AP5Z1: variants seen among roughly 807,000 people sequenced by gnomAD.
AP5Z1 encodes adaptor related protein complex 5 subunit zeta 1, also known as AP-5 complex subunit zeta-1.
In AP5Z1, 106 loss-of-function variants were observed where a neutral mutation model predicts 83.0. That is an observed-to-expected ratio of 1.28 (90% CI 1.09 to 1.50). The LOEUF is 1.50. Among genes scored for constraint, AP5Z1 ranks in the 40% most tolerant of loss-of-function variants. The pLI, the probability that AP5Z1 is intolerant of heterozygous loss-of-function variation, is 0.00. For synonymous variants in AP5Z1, 751 were observed against 514.1 expected (o/e 1.46, Z -6.23); for missense variants, 1,565 against 1,094.2 (o/e 1.43, Z -6.07).
At chr7:4,790,428 A>G in intron 14 of AP5Z1, 31 bp from the exon 15 acceptor site, 2 of 1,612,684 alleles carry the variant, frequency 1.2e-6, no homozygotes, top group African/African-American at 1.3e-5. Flanking sequence ...AGGTCTGCAC[A>G]GAGCAGGCGT....
At position 4,790,239 on chromosome 7, in the gene AP5Z1, G is replaced by C. The variant is rs770827357; in HGVS notation, c.1806-220G>C. 1.2e-5 allele frequency: 18 copies of C among 1,548,188 alleles called. No individual in the cohort carries two copies. The Middle Eastern group carries it at 6.6e-4, about 57-fold the overall frequency. Reference sequence around the variant, plus strand: ...GCCTGATGCATGCAGGCCCATCCTGGTTCCACTCTGAGCCTGGGCCTGAGG... The same window carrying C: ...GCCTGATGCATGCAGGCCCATCCTGCTTCCACTCTGAGCCTGGGCCTGAGG... On this transcript the variant is annotated intron_variant, in intron 14 of 16. Coordinates refer to ENST00000649063, the MANE Select transcript of AP5Z1 (RefSeq NM_014855.3).
At chr7:4,789,993 C>G in intron 14 of AP5Z1, 64 bp downstream of exon 14, 1 of 616,272 alleles carries the variant, frequency 1.6e-6, no homozygotes, top group Non-Finnish European at 2.2e-6. Context: ...CTCCCCCTCT[C>G]CCCTCCCCCC....
chr7:4,778,640 A>G (rs559336360), intron 1 of AP5Z1, among the ~76,000 whole-genome samples: 2 of 151,844 alleles, frequency 1.3e-5, no homozygotes, highest in Admixed American at 6.6e-5. Flanking sequence ...TGAGACTTGG[A>G]GAATATGCTG....
intron 2 of AP5Z1, 40 bp downstream of exon 2, chr7:4,781,352 G>A (rs766828084): frequency 1.2e-5 from 20 of 1,609,578 alleles, no homozygotes; most frequent in Admixed American, 3.3e-5. Context: ...CTCACACAGC[G>A]GCCCCAGGAG....
chr7:4,785,492 G>T, intron 8 of AP5Z1, 30 bp from the exon 9 acceptor site: 1 of 1,613,134 alleles, frequency 6.2e-7, no homozygotes, highest in Non-Finnish European at 8.5e-7. Flanking sequence ...GCAGCGACTC[G>T]GCCCATTTGA....
At position 4,783,331 on chromosome 7, in the gene AP5Z1, G is replaced by A; in HGVS notation, c.382G>A (p.Glu128Lys). 1 of 1,610,614 alleles carries A rather than the reference G, an allele frequency of 6.2e-7. No homozygotes were observed. The highest frequency in any genetic ancestry group is 8.5e-7 in the Non-Finnish European group (1 of 1,178,350). The change falls in exon 4 of 17, where the codon GAG becomes AAG. Residue 128 changes from glutamate to lysine, a missense_variant. Glu to Lys is a moderately conservative substitution (Grantham distance 56). Transcript: ENST00000649063. ...VLLAQGDRNE[E>K]VRAVGQGVLR... ...TGATTTGAAGGGTGACAGAAACGAGGAGGTCAGAGCCGTGGGCCAGGGCGT... is the reference window on the plus strand; with the variant it reads ...TGATTTGAAGGGTGACAGAAACGAGAAGGTCAGAGCCGTGGGCCAGGGCGT...
chr7:4,780,753 A>G (rs892406460), intron 1 of AP5Z1, among the ~76,000 whole-genome samples: 6 of 152,128 alleles, frequency 3.9e-5, no homozygotes, highest in African/African-American at 1.4e-4. Context: ...GTGACAGAGC[A>G]AGACTCCATC....
rs1414948873 is a variant in AP5Z1, at chr7:4,775,728, G to A, written c.13G>A (p.Gly5Arg). MFSA[G>R]AESLLHQARE... ...TGGCGGCGGCGTGATGTTCTCGGCA[G>A]GAGCGGAGAGTTTGCTCCACCAGGC... The change falls in exon 1 of 17, where the codon GGA becomes AGA. Residue 5 changes from glycine (G) to arginine (R), a missense_variant. Transcript: ENST00000649063. The A allele has an allele frequency of 1.9e-6, 3 of 1,606,274 alleles. No homozygotes were observed. The highest frequency in any genetic ancestry group is 1.3e-5 in the African/African-American group (1 of 74,934).
In AP5Z1 at chr7:4,781,262, C is replaced by T. The variant is rs1490381993; in HGVS notation, c.129C>T (p.Asp43=). ...QAEDLGPDTL[D]SLQRLFLIIS... Reference sequence around the variant, plus strand: ...AGGACTTGGGGCCGGACACCCTCGACTCCCTGCAGAGGCTCTTCCTCATCA... The same window carrying T: ...AGGACTTGGGGCCGGACACCCTCGATTCCCTGCAGAGGCTCTTCCTCATCA... The change falls in exon 2 of 17, where the codon GAC becomes GAT. Residue 43 remains aspartate, a synonymous_variant. Transcript: ENST00000649063. 2 of 1,613,840 alleles carry T rather than the reference C, an allele frequency of 1.2e-6. No individual in the cohort carries two copies. The highest frequency in any genetic ancestry group is 1.7e-6 in the Non-Finnish European group (2 of 1,179,820).
At position 4,786,399 on chromosome 7, in the gene AP5Z1, C is replaced by G. The variant is rs1233114359; in HGVS notation, c.1282C>G (p.Leu428Val). The change falls in exon 10 of 17, where the codon CTC becomes GTC. Residue 428 changes from leucine to valine, a missense_variant. Coordinates refer to ENST00000649063, the MANE Select transcript of AP5Z1 (RefSeq NM_014855.3). ...CCTGTTCAGCGGGCACCTCAGCACC[C>G]TCAGATTGAGCTTCCCCAACCTCTT... is the stretch of plus-strand genomic sequence containing the variant. Reference protein sequence around the residue: ...LHLFSGHLSTLRLSFPNLFKF... With the variant: ...LHLFSGHLSTVRLSFPNLFKF... 6.2e-7 allele frequency: 1 copy of G among 1,613,908 alleles called. No individual in the cohort carries two copies. Among genetic ancestry groups the G allele is most frequent in the Admixed American group, 1.7e-5 (1 of 60,028 alleles).
rs200224845 is a variant in AP5Z1, at chr7:4,788,887, G to A, written c.1643G>A (p.Arg548His). 1.1e-4 allele frequency: 184 copies of A among 1,610,554 alleles called. No homozygotes were observed. The highest frequency in any genetic ancestry group is 4.9e-4 in the Middle Eastern group (3 of 6,064). The change falls in exon 13 of 17, where the codon CGC (arginine) becomes CAC (histidine). Residue 548 changes from arginine to histidine, a missense_variant. Arg to His is a conservative substitution (Grantham distance 29, BLOSUM62 0). Coordinates refer to ENST00000649063, the MANE Select transcript of AP5Z1 (RefSeq NM_014855.3). ...CTGCAGCCCATGGCCGGCTGTGCCC[G>A]CGTGGCCCAGTGTGCCCAGGCCGTG... is the stretch of plus-strand genomic sequence containing the variant. ...QLLQPMAGCA[R>H]VAQCAQAVPT... is the part of the protein sequence containing the mutation.
rs544740791 is a variant in AP5Z1 at position 4,791,506 on chromosome 7, C to A, written c.*121C>A. 4 of 1,407,794 alleles carry A rather than the reference C, an allele frequency of 2.8e-6. No individual in the cohort carries two copies. The African/African-American group carries it at 4.3e-5, about 15-fold the overall frequency. 87.2% of individuals were successfully genotyped at this position (1,407,794 alleles called of 1,614,324 possible). On this transcript the variant is annotated 3_prime_UTR_variant, in exon 17 of 17. Coordinates refer to ENST00000649063, the MANE Select transcript of AP5Z1 (RefSeq NM_014855.3). The stretch of plus-strand genomic sequence containing the variant: ...GTCCTGGGAGAGGAGGCAAGGCCCA[C>A]GGTGGGCTTGGCACCCTCACAGACA...
rs762942576 is a variant in AP5Z1 at position 4,786,318 on chromosome 7, T to C, written c.1201T>C (p.Phe401Leu). 1.1e-5 allele frequency: 18 copies of C among 1,613,466 alleles called. No individual in the cohort carries two copies. The Admixed American group carries it at 3.0e-4, about 27-fold the overall frequency. ...GTTCACCAGGATCCCGGTGGAGCAG[T>C]TCCACAGCCCCATGCTGGCCTTTGA... ...HLFTRIPVEQ[F>L]HSPMLAFEFI... The change falls in exon 10 of 17, where the codon TTC (phenylalanine) becomes CTC (leucine). Residue 401 changes from phenylalanine to leucine, a missense_variant. Phe to Leu is a conservative substitution (Grantham distance 22). Transcript: ENST00000649063.
At chr7:4,786,770 G>T (rs1781558649) in intron 10 of AP5Z1, among the ~76,000 whole-genome samples, 1 of 151,654 alleles carries the variant, frequency 6.6e-6, no homozygotes, top group Non-Finnish European at 1.5e-5. Context: ...GGTGCCATTT[G>T]CCTTTTTTTT....
rs74274130 is a variant in AP5Z1 at position 4,785,760 on chromosome 7, C to CTT, written c.1132+95_1132+96dup. On this transcript the variant is annotated intron_variant, in intron 9 of 16. Coordinates refer to ENST00000649063, the MANE Select transcript of AP5Z1 (RefSeq NM_014855.3). Reference sequence around the variant, plus strand: ...GTTTTAGGATGGAATTTCTTCTTCCCTTTTTTTTTTTTTTTTTTTTGATTG... The same window carrying CTT: ...GTTTTAGGATGGAATTTCTTCTTCCCTTTTTTTTTTTTTTTTTTTTTTGATTG... 15,487 of 1,126,480 alleles carry CTT rather than the reference C, an allele frequency of 0.014. 79 individuals carry two copies. Among genetic ancestry groups the CTT allele is most frequent in the African/African-American group, 0.064 (3,407 of 53,362 alleles). The allele number at this position is 1,126,480 out of a possible 1,614,324, so 69.8% of individuals were successfully genotyped here.
At position 4,783,682 on chromosome 7, in the gene AP5Z1, A is replaced by T. The variant is rs73305371; in HGVS notation, c.512-7A>T. ...CTCACCTCCCCATGCCACCCCACCC[A>T]CTGCAGACCAGGCCACCCTGCTCAG... On this transcript the variant is annotated splice_polypyrimidine_tract_variant and splice_region_variant and intron_variant, in intron 4 of 16. Transcript: ENST00000649063. 1 of 1,548,770 alleles carries T rather than the reference A, an allele frequency of 6.5e-7. No individual in the cohort carries two copies. The highest frequency in any genetic ancestry group is 1.4e-5 in the African/African-American group (1 of 72,958).
At chr7:4,786,563 G>T (rs1000379643) in intron 10 of AP5Z1, 135 bp downstream of exon 10, 3 of 1,018,428 alleles carry the variant, frequency 2.9e-6, no homozygotes, top group Non-Finnish European at 4.3e-6. Flanking sequence ...GGAATGCGGT[G>T]TGCAGGGTGA....
At chr7:4,788,588 C>T (rs921372085) in intron 12 of AP5Z1, 2 of 495,548 alleles carry the variant, frequency 4.0e-6, no homozygotes, top group Non-Finnish European at 7.0e-6. Flanking sequence ...GCCCAGGAAG[C>T]AGGAGGCCTG....
In AP5Z1 at chr7:4,789,814, C is replaced by G. The variant is rs752733585; in HGVS notation, c.1708-18C>G. The G allele has an allele frequency of 2.6e-6, 4 of 1,548,822 alleles. No homozygotes were observed. The highest frequency in any genetic ancestry group is 1.4e-5 in the African/African-American group (1 of 73,000). On this transcript the variant is annotated intron_variant, in intron 13 of 16. Coordinates refer to ENST00000649063, the MANE Select transcript of AP5Z1 (RefSeq NM_014855.3). Reference sequence around the variant, plus strand: ...AGTGGGGGTGGGGCTGAGCCTGTTTCCCACTCCTGACCCCCAGGTGGCTGA... The same window carrying G: ...AGTGGGGGTGGGGCTGAGCCTGTTTGCCACTCCTGACCCCCAGGTGGCTGA...
Sources: gnomAD v4.1 joint callset for allele counts (sites outside exome capture counted in the v4.1 genomes callset) on GRCh38, gnomAD v4.1.1 for gene constraint, MANE v1.5 for transcripts, NCBI Gene and HGNC (gene_info 2026-07-23, HGNC 2026-07-21) for gene names.